The following CDK14 variants were observed in gnomAD, a reference collection of about 807,000 sequenced individuals.
CDK14 encodes cyclin dependent kinase 14.
CDK14 carries 34 observed loss-of-function variants against 60.7 expected under a neutral mutation model. The ratio of observed to expected loss-of-function variants is 0.56; its 90% CI spans 0.43 to 0.75. The LOEUF (loss-of-function observed/expected upper bound fraction) is 0.75. Among genes scored for constraint, CDK14 ranks in the 30% least tolerant of loss-of-function variants. The pLI is 0.00. For synonymous variants in CDK14, 197 were observed against 203.7 expected, an observed-to-expected ratio of 0.97 and a Z score of 0.28; for missense variants, 482 against 564.1, an observed-to-expected ratio of 0.85 and a Z score of 1.47.
chr7:91,041,031 C>T (rs1466030563), intron 10 of CDK14, among the ~76,000 whole-genome samples: 1 of 152,146 alleles, frequency 6.6e-6, no homozygotes, highest in Non-Finnish European at 1.5e-5. Flanking sequence ...CTTCTCTGCC[C>T]GACAGAGGCT....
At chr7:91,124,939 A>T (rs1799897163) in intron 14 of CDK14, among the ~76,000 whole-genome samples, 1 of 152,144 alleles carries the variant, frequency 6.6e-6, no homozygotes, top group Admixed American at 6.6e-5. Context: ...TCTATGCCCT[A>T]AGTGCACTGT....
intron 4 of CDK14, among the ~76,000 whole-genome samples, chr7:90,778,682 T>G (rs373253823): frequency 2.8e-4 from 43 of 152,312 alleles, no homozygotes; most frequent in African/African-American, 9.9e-4. Flanking sequence ...CCCCATTTTT[T>G]CTTTCCCTTC....
chr7:90,874,917 C>T (rs1361488485), intron 6 of CDK14, among the ~76,000 whole-genome samples: 2 of 152,070 alleles, frequency 1.3e-5, no homozygotes, highest in East Asian at 1.9e-4. Context: ...CACAATTCAG[C>T]GGTTTTGAGC....
At chr7:90,947,659 G>C (rs1164951607) in intron 8 of CDK14, among the ~76,000 whole-genome samples, 2 of 151,768 alleles carry the variant, frequency 1.3e-5, no homozygotes, top group Non-Finnish European at 2.9e-5. Context: ...AATAAGACCA[G>C]GTAAGGATAT....
At chr7:90,955,547 T>A in intron 8 of CDK14, 150 bp from the exon 9 acceptor site, 1 of 736,352 alleles carries the variant, frequency 1.4e-6, no homozygotes, top group Non-Finnish European at 2.2e-6. Context: ...CACAATATGC[T>A]TTCCCCAGTT....
At chr7:90,983,641 C>A (rs1049971490) in intron 9 of CDK14, among the ~76,000 whole-genome samples, 1 of 149,930 alleles carries the variant, frequency 6.7e-6, no homozygotes, top group African/African-American at 2.5e-5. Flanking sequence ...GATCGCGCCA[C>A]TGCACTCCAG....
chr7:90,906,742 A>G (rs767094617), intron 7 of CDK14, among the ~76,000 whole-genome samples: 6 of 152,074 alleles, frequency 3.9e-5, no homozygotes, highest in Non-Finnish European at 7.4e-5. Flanking sequence ...ATGGTAATGT[A>G]TCCTGGAAGA....
At chr7:90,874,233 T>C (rs1222277232) in intron 6 of CDK14, among the ~76,000 whole-genome samples, 2 of 152,092 alleles carry the variant, frequency 1.3e-5, no homozygotes, top group African/African-American at 4.8e-5. Flanking sequence ...AGATTTTTGT[T>C]GTTGTTGAGG....
At chr7:91,183,540 CTG>C (rs1488138684) in intron 14 of CDK14, among the ~76,000 whole-genome samples, 1 of 152,192 alleles carries the variant, frequency 6.6e-6, no homozygotes, top group Non-Finnish European at 1.5e-5. Flanking sequence ...CAATATATTT[CTG>C]TAAGAGTTTC....
At chr7:90,782,540 T>G (rs1038031873) in intron 4 of CDK14, among the ~76,000 whole-genome samples, 1 of 152,186 alleles carries the variant, frequency 6.6e-6, no homozygotes. Context: ...TGGAATCTCT[T>G]TGACATGCCT....
chr7:90,892,466 T>G (rs986468728), intron 6 of CDK14, among the ~76,000 whole-genome samples: 1 of 152,248 alleles, frequency 6.6e-6, no homozygotes, highest in African/African-American at 2.4e-5. Context: ...GAGACTCAAC[T>G]GTGAAAATGC....
At chr7:90,987,499 G>T (rs1271898500) in intron 10 of CDK14, among the ~76,000 whole-genome samples, 1 of 152,090 alleles carries the variant, frequency 6.6e-6, no homozygotes, top group Non-Finnish European at 1.5e-5. Flanking sequence ...AGAATTAAAT[G>T]ATGCTATGTT....
chr7:90,693,656 T>C (rs1401997066), intron 2 of CDK14, among the ~76,000 whole-genome samples: 1 of 152,202 alleles, frequency 6.6e-6, no homozygotes, highest in Non-Finnish European at 1.5e-5. Flanking sequence ...TTGGCCTCAG[T>C]GGATTCTGTG....
At chr7:90,614,155 C>T (rs540000493) in intron 2 of CDK14, among the ~76,000 whole-genome samples, 9 of 151,950 alleles carry the variant, frequency 5.9e-5, no homozygotes, top group African/African-American at 1.7e-4. Context: ...TACAGGCATG[C>T]GCCACCTGCC....
At chr7:90,601,922 TTATGTATGTATGTATGTATGTATGTATG>T (rs66873680) in intron 1 of CDK14, among the ~76,000 whole-genome samples, 1 of 143,274 alleles carries the variant, frequency 7.0e-6, no homozygotes, top group Admixed American at 7.0e-5. Context: ...TTGGCTAATT[TTATGTATGTATGTATGTATGTATGTATG>T]TATGTATGTA....
intron 8 of CDK14, among the ~76,000 whole-genome samples, chr7:90,933,388 GTGA>G (rs1793655158): frequency 1.3e-5 from 2 of 152,138 alleles, no homozygotes; most frequent in Admixed American, 1.3e-4. Flanking sequence ...GATAGTACAG[GTGA>G]TGATAAGGAA....
chr7:90,838,437 G>A (rs1280386954), intron 5 of CDK14, among the ~76,000 whole-genome samples: 1 of 152,112 alleles, frequency 6.6e-6, no homozygotes, highest in Non-Finnish European at 1.5e-5. Flanking sequence ...GTGATTTTCA[G>A]GGAACAAGGA....
At chr7:90,935,461 A>G (rs902293638) in intron 8 of CDK14, among the ~76,000 whole-genome samples, 1 of 152,224 alleles carries the variant, frequency 6.6e-6, no homozygotes. Flanking sequence ...ACATTATACA[A>G]AAGGGGAATG....
At chr7:90,881,876 C>T (rs960701630) in intron 6 of CDK14, among the ~76,000 whole-genome samples, 5 of 152,126 alleles carry the variant, frequency 3.3e-5, no homozygotes, top group African/African-American at 1.2e-4. Context: ...CCTTTCCAGA[C>T]AAGCAAATGC....
Sources: gnomAD v4.1 joint callset for allele counts (sites outside exome capture counted in the v4.1 genomes callset) on GRCh38, gnomAD v4.1.1 for gene constraint, MANE v1.5 for transcripts, NCBI Gene and HGNC (gene_info 2026-07-23, HGNC 2026-07-21) for gene names.